The following NEK10 variants were observed in gnomAD, a reference collection of about 807,000 sequenced individuals.
NEK10 encodes NIMA related kinase 10.
In NEK10, 122 loss-of-function variants were observed where a neutral mutation model predicts 159.8. That is an observed-to-expected ratio of 0.76 (90% CI 0.66 to 0.89). NEK10 has a LOEUF of 0.89. NEK10 is among the 40% of genes least tolerant of loss of function. The pLI is 0.00. For missense variants in NEK10, 1,342 were observed against 1,323.1 expected (o/e 1.01, Z -0.22); for synonymous variants, 466 against 457.1 (o/e 1.02, Z -0.25).
chr3:27,260,519 C>T (rs1352088578), intron 22 of NEK10, among the ~76,000 whole-genome samples: 1 of 152,134 alleles, frequency 6.6e-6, no homozygotes, highest in South Asian at 2.1e-4. Flanking sequence ...TGCAGGATTA[C>T]GTTTATTGAT....
At chr3:27,285,318 A>AAGCCC (rs1412019059) in intron 20 of NEK10, among the ~76,000 whole-genome samples, 1 of 152,186 alleles carries the variant, frequency 6.6e-6, no homozygotes, top group Non-Finnish European at 1.5e-5. Context: ...AAGAAACCGT[A>AAGCCC]AGCCCATCCT....
chr3:27,247,432 G>A (rs1487652501), intron 23 of NEK10, among the ~76,000 whole-genome samples: 1 of 152,202 alleles, frequency 6.6e-6, no homozygotes, highest in Admixed American at 6.5e-5. Flanking sequence ...CACATTGATT[G>A]ATTTACATAT....
chr3:27,296,433 G>A lies in NEK10; in HGVS notation c.1231-743C>T, dbSNP rs2043358957. On this transcript the variant is annotated intron_variant, in intron 14 of 35. Coordinates refer to ENST00000691995, the MANE Select transcript of NEK10 (RefSeq NM_001394966.1). ...AACCTCAATCTGGCCAACTTCAGAT[G>A]CCCTGTTCTATCAACTACCCCCTGA... Among the ~76,000 whole-genome samples the A allele has an allele frequency of 2.0e-5, 3 of 152,058 alleles. No individual in the cohort carries two copies. The South Asian group carries it at 6.2e-4, about 32-fold the overall frequency.
chr3:27,135,946 C>T (rs916939748), intron 31 of NEK10, among the ~76,000 whole-genome samples: 5 of 152,188 alleles, frequency 3.3e-5, no homozygotes, highest in South Asian at 2.1e-4. Context: ...AAACACAGAA[C>T]GTTTCACCAA....
intron 22 of NEK10, among the ~76,000 whole-genome samples, chr3:27,283,558 C>G (rs577995193): frequency 1.1e-3 from 160 of 152,172 alleles, no homozygotes; most frequent in African/African-American, 3.5e-3. Context: ...AGGTGTCTCC[C>G]TAATTGTAGT....
Position 27,304,811 on chromosome 3 carries a change from G to C in NEK10, c.964C>G (p.Pro322Ala), listed in dbSNP as rs1359815443. The change falls in exon 12 of 36, where the codon CCT (proline) becomes GCT (alanine). Residue 322 changes from proline to alanine, a missense_variant. Coordinates refer to ENST00000691995, the MANE Select transcript of NEK10 (RefSeq NM_001394966.1). ...VWILVQVCED[P>A]ETSVEIRIWG... is the part of the protein sequence containing the mutation. ...ATGCGAATTTCCACGCTGGTCTCAGGGTCCTCACAAACCTGTACCAGAATC... is the reference window on the plus strand; with the variant it reads ...ATGCGAATTTCCACGCTGGTCTCAGCGTCCTCACAAACCTGTACCAGAATC... The C allele has an allele frequency of 5.0e-6, 8 of 1,613,818 alleles. No homozygotes were observed. The highest frequency in any genetic ancestry group is 2.2e-5 in the South Asian group (2 of 91,056).
At chr3:27,325,015 C>A (rs1419970388) in intron 5 of NEK10, among the ~76,000 whole-genome samples, 5 of 152,188 alleles carry the variant, frequency 3.3e-5, no homozygotes, top group African/African-American at 1.2e-4. Context: ...GAAAGATGTT[C>A]TCCATGATAT....
intron 1 of NEK10, among the ~76,000 whole-genome samples, chr3:27,357,720 T>A (rs1388274489): frequency 6.6e-6 from 1 of 152,126 alleles, no homozygotes; most frequent in East Asian, 1.9e-4. Flanking sequence ...ATACCACTGG[T>A]CTGGATTATT....
rs2042232681 is a variant in NEK10, at chr3:27,282,520, T to C, written c.2014+2082A>G. On this transcript the variant is annotated intron_variant, in intron 22 of 35. Coordinates refer to ENST00000691995, the MANE Select transcript of NEK10 (RefSeq NM_001394966.1). ...AGGATTAAACATATTTGTTCTGTTG[T>C]ATATATACATAAATGTGTTATATAT... Among the ~76,000 whole-genome samples the C allele has an allele frequency of 1.4e-5, 2 of 139,552 alleles. 1 individual carries two copies. Among genetic ancestry groups the C allele is most frequent in the Non-Finnish European group, 3.1e-5 (2 of 65,362 alleles). 91.6% of individuals were successfully genotyped at this position (139,552 alleles called of 152,430 possible).
chr3:27,274,134 C>T (rs1223585050), intron 22 of NEK10, among the ~76,000 whole-genome samples: 1 of 152,100 alleles, frequency 6.6e-6, no homozygotes, highest in African/African-American at 2.4e-5. Context: ...TGCCAGGGAC[C>T]CCTGTACCAT....
At chr3:27,344,414 GCT>G in intron 4 of NEK10, 44 bp from the exon 5 acceptor site, 1 of 1,058,822 alleles carries the variant, frequency 9.4e-7, no homozygotes, top group Non-Finnish European at 1.4e-6. Context: ...TAGAGATCAG[GCT>G]GTCTCAAAGT....
intron 14 of NEK10, 131 bp from the exon 15 acceptor site, chr3:27,295,821 AAC>A: frequency 8.3e-7 from 1 of 1,208,878 alleles, no homozygotes; most frequent in Non-Finnish European, 1.1e-6. Context: ...CCTTGAAGTA[AAC>A]ATTACAGGAC....
intron 22 of NEK10, among the ~76,000 whole-genome samples, chr3:27,270,335 T>G (rs893445537): frequency 3.3e-5 from 5 of 152,056 alleles, no homozygotes; most frequent in Admixed American, 2.6e-4. Flanking sequence ...CAGAACCCAT[T>G]GCCAGCCATG....
intron 22 of NEK10, among the ~76,000 whole-genome samples, chr3:27,262,540 C>G (rs1188669398): frequency 1.3e-5 from 2 of 152,124 alleles, no homozygotes; most frequent in Non-Finnish European, 2.9e-5. Context: ...TCTTTTTACT[C>G]TTTTTTCTCT....
At chr3:27,276,332 C>A (rs1314196471) in intron 22 of NEK10, among the ~76,000 whole-genome samples, 5 of 151,930 alleles carry the variant, frequency 3.3e-5, no homozygotes, top group African/African-American at 1.2e-4. Flanking sequence ...CTGGACATAT[C>A]AGATGTGGAT....
rs774294982 is a variant in NEK10, at chr3:27,336,545, C to A, written c.362+7727G>T. Reference sequence around the variant, plus strand: ...AAACAAGACAAGAATAGAACAAAAACCATGAAAACTATAGAACAGTATCCC... The same window carrying A: ...AAACAAGACAAGAATAGAACAAAAAACATGAAAACTATAGAACAGTATCCC... On this transcript the variant is annotated intron_variant, in intron 5 of 35. Coordinates refer to ENST00000691995, the MANE Select transcript of NEK10 (RefSeq NM_001394966.1). Among the ~76,000 whole-genome samples, 26 of 151,928 alleles carry A rather than the reference C, an allele frequency of 1.7e-4. 1 individual carries two copies. The highest frequency in any genetic ancestry group is 6.6e-4 in the Admixed American group (10 of 15,220).
intron 23 of NEK10, among the ~76,000 whole-genome samples, chr3:27,249,894 T>G (rs112072527): frequency 0.012 from 1,771 of 152,274 alleles, 10 homozygotes; most frequent in South Asian, 0.021. Context: ...TGTTGTATGT[T>G]TTTTGATTTG....
rs188127930 is a variant in NEK10 at position 27,359,922 on chromosome 3, G to A, written c.-37-7003C>T. ...TAAATCTCACAAATATACAGTGCTT[G>A]GACTTTTCAAATTATGTATGCTTTA... On this transcript the variant is annotated intron_variant, in intron 1 of 35. Coordinates refer to ENST00000691995, the MANE Select transcript of NEK10 (RefSeq NM_001394966.1). Among the ~76,000 whole-genome samples the A allele has an allele frequency of 7.9e-5, 12 of 152,284 alleles. No homozygotes were observed. The East Asian group carries it at 1.9e-3, about 24-fold the overall frequency.
At position 27,308,920 on chromosome 3, in the gene NEK10, AC is replaced by A; in HGVS notation, c.716+5del. The A allele has an allele frequency of 6.7e-7, 1 of 1,492,494 alleles. No homozygotes were observed. Among genetic ancestry groups the A allele is most frequent in the Non-Finnish European group, 9.3e-7 (1 of 1,071,900 alleles). The allele number at this position is 1,492,494 out of a possible 1,614,324, so 92.5% of individuals were successfully genotyped here. Reference sequence around the variant, plus strand: ...ACTGGAAAGTATATTAGAATACACTACTTACCTTTCTGCTAAACTAGCCAGA... The same window carrying A: ...ACTGGAAAGTATATTAGAATACACTATTACCTTTCTGCTAAACTAGCCAGA... On this transcript the variant is annotated splice_donor_5th_base_variant and intron_variant, in intron 10 of 35. Coordinates refer to ENST00000691995, the MANE Select transcript of NEK10 (RefSeq NM_001394966.1).
Sources: gnomAD v4.1 joint callset for allele counts (sites outside exome capture counted in the v4.1 genomes callset) on GRCh38, gnomAD v4.1.1 for gene constraint, MANE v1.5 for transcripts, NCBI Gene and HGNC (gene_info 2026-07-23, HGNC 2026-07-21) for gene names.